Variants in DLG2 observed in about 807,000 individuals in gnomAD.
The protein encoded by DLG2 is disks large homolog 2.
DLG2 carries 45 observed loss-of-function variants against 132.5 expected under a neutral mutation model. That is an observed-to-expected ratio of 0.34 (90% CI 0.27 to 0.44). DLG2 has a LOEUF of 0.44. Among genes scored for constraint, DLG2 ranks in the 20% least tolerant of loss-of-function variants. DLG2 has a pLI of 1.00. For missense variants in DLG2, 1,045 were observed against 1,196.9 expected, an observed-to-expected ratio of 0.87 and a Z score of 1.87; for synonymous variants, 424 against 419.6, an observed-to-expected ratio of 1.01 and a Z score of -0.13.
chr11:84,584,983 C>A (rs1024791315), intron 6 of DLG2, among the ~76,000 whole-genome samples: 1 of 152,042 alleles, frequency 6.6e-6, no homozygotes, highest in Non-Finnish European at 1.5e-5. Flanking sequence ...CCACCGCGCC[C>A]GGCCCCAGCA....
chr11:84,989,733 T>TA (rs1288234418), intron 6 of DLG2, among the ~76,000 whole-genome samples: 1 of 152,174 alleles, frequency 6.6e-6, no homozygotes, highest in Admixed American at 6.5e-5. Context: ...ACTACATAGC[T>TA]AGAGTAATCA....
At chr11:84,364,023 G>T (rs907028155) in intron 7 of DLG2, among the ~76,000 whole-genome samples, 1 of 152,090 alleles carries the variant, frequency 6.6e-6, no homozygotes, top group African/African-American at 2.4e-5. Context: ...GAACTTTAAA[G>T]AAGTTTTTTC....
chr11:85,302,270 T>C (rs2152794830), intron 3 of DLG2, among the ~76,000 whole-genome samples: 1 of 151,206 alleles, frequency 6.6e-6, no homozygotes, highest in South Asian at 2.1e-4. Flanking sequence ...TCTCTGCTGA[T>C]TAAGTTCACT....
chr11:84,678,653 T>C (rs1019488132), intron 6 of DLG2, among the ~76,000 whole-genome samples: 4 of 152,092 alleles, frequency 2.6e-5, no homozygotes, highest in Non-Finnish European at 5.9e-5. Flanking sequence ...ACTGAAAAGT[T>C]TGTAGCTTCT....
intron 8 of DLG2, among the ~76,000 whole-genome samples, chr11:84,184,844 T>C (rs1206746702): frequency 2.6e-5 from 4 of 152,196 alleles, no homozygotes; most frequent in Non-Finnish European, 5.9e-5. Context: ...TCCCCATTGC[T>C]TGTTTTTCTC....
At chr11:84,569,578 T>C (rs1295989986) in intron 6 of DLG2, among the ~76,000 whole-genome samples, 1 of 152,088 alleles carries the variant, frequency 6.6e-6, no homozygotes, top group Non-Finnish European at 1.5e-5. Context: ...AGATGAAGAA[T>C]ATAATGACTA....
At chr11:84,946,306 G>A (rs1191838196) in intron 6 of DLG2, among the ~76,000 whole-genome samples, 1 of 152,072 alleles carries the variant, frequency 6.6e-6, no homozygotes, top group African/African-American at 2.4e-5. Context: ...GGCCACCACA[G>A]CTGGGGATGC....
chr11:83,672,116 C>T (rs548444153), intron 18 of DLG2, among the ~76,000 whole-genome samples: 1 of 152,110 alleles, frequency 6.6e-6, no homozygotes, highest in South Asian at 2.1e-4. Context: ...AACATTGAGG[C>T]CTTCCTTGAT....
At chr11:83,957,571 T>TAAA (rs35511012) in intron 14 of DLG2, among the ~76,000 whole-genome samples, 66 of 131,862 alleles carry the variant, frequency 5.0e-4, no homozygotes, top group African/African-American at 9.8e-4. Context: ...TTTTTTTTTT[T>TAAA]AAAAACATAA....
At chr11:84,699,684 T>C (rs1479315447) in intron 6 of DLG2, among the ~76,000 whole-genome samples, 1 of 151,622 alleles carries the variant, frequency 6.6e-6, no homozygotes. Context: ...TATCTTCGTC[T>C]CCCTCGTTTT....
intron 7 of DLG2, among the ~76,000 whole-genome samples, chr11:84,328,204 C>T (rs893177643): frequency 6.7e-6 from 1 of 149,036 alleles, no homozygotes; most frequent in Non-Finnish European, 1.5e-5. Context: ...GTAAAAATAA[C>T]ATTATGGTAA....
chr11:84,899,801 C>T (rs756945052), intron 6 of DLG2, among the ~76,000 whole-genome samples: 17 of 151,984 alleles, frequency 1.1e-4, no homozygotes, highest in Admixed American at 1.1e-3. Flanking sequence ...TTAAGCATCA[C>T]CTTGGGAAAA....
At chr11:84,057,366 T>C (rs2096522171) in intron 11 of DLG2, among the ~76,000 whole-genome samples, 1 of 152,114 alleles carries the variant, frequency 6.6e-6, no homozygotes, top group Non-Finnish European at 1.5e-5. Context: ...GCTGAATAAT[T>C]ACAGTTAATT....
At chr11:83,541,931 T>G in intron 19 of DLG2, 73 bp from the exon 20 acceptor site, 1 of 1,440,724 alleles carries the variant, frequency 6.9e-7, no homozygotes, top group Non-Finnish European at 9.3e-7. Flanking sequence ...TGGTTTCAAA[T>G]GTTTGCTCTT....
intron 3 of DLG2, among the ~76,000 whole-genome samples, chr11:85,391,464 AC>A (rs1324568369): frequency 2.0e-5 from 3 of 152,070 alleles, no homozygotes; most frequent in Non-Finnish European, 4.4e-5. Flanking sequence ...TAATAGCAAA[AC>A]CAGGAAAGGA....
At chr11:84,665,984 C>T (rs183819656) in intron 6 of DLG2, among the ~76,000 whole-genome samples, 2 of 152,296 alleles carry the variant, frequency 1.3e-5, no homozygotes, top group South Asian at 2.1e-4. Context: ...CACATTACAT[C>T]GCCTTCACCT....
At chr11:85,522,499 G>A (rs919357550) in intron 3 of DLG2, among the ~76,000 whole-genome samples, 4 of 152,130 alleles carry the variant, frequency 2.6e-5, no homozygotes, top group African/African-American at 9.6e-5. Flanking sequence ...CATCCTCCAG[G>A]CCCCAGAATA....
intron 7 of DLG2, among the ~76,000 whole-genome samples, chr11:84,455,097 CAG>C (rs200355255): frequency 0.013 from 1,934 of 151,298 alleles, 23 homozygotes; most frequent in South Asian, 0.035. Context: ...ATAAAGAAAA[CAG>C]GGGGAAACTA....
In DLG2 at chr11:84,035,474, A is replaced by C. The variant is rs148305149; in HGVS notation, c.919+23841T>G. On this transcript the variant is annotated intron_variant, in intron 11 of 27. Coordinates refer to ENST00000376104, the MANE Select transcript of DLG2 (RefSeq NM_001142699.3). Reference sequence around the variant, plus strand: ...GAAAAGTGTGTTACAGGCACAAAGAATAGCCAACTACAAAAGCTGTAGGCA... The same window carrying C: ...GAAAAGTGTGTTACAGGCACAAAGACTAGCCAACTACAAAAGCTGTAGGCA... Among the ~76,000 whole-genome samples the C allele has an allele frequency of 3.8e-4, 58 of 152,348 alleles. 1 individual carries two copies. Among genetic ancestry groups the C allele is most frequent in the African/African-American group, 1.3e-3 (56 of 41,582 alleles).
Sources: gnomAD v4.1 joint callset for allele counts (sites outside exome capture counted in the v4.1 genomes callset) on GRCh38, gnomAD v4.1.1 for gene constraint, MANE v1.5 for transcripts, NCBI Gene and HGNC (gene_info 2026-07-23, HGNC 2026-07-21) for gene names.